The following AXIN1 variants were observed in gnomAD, a reference collection of about 807,000 sequenced individuals.
The protein encoded by AXIN1 is axin 1, also known as axin-1.
A neutral mutation model predicts 76.4 loss-of-function variants in AXIN1; 30 were observed. The ratio of observed to expected loss-of-function variants is 0.39; its 90% CI spans 0.29 to 0.53. AXIN1 has a LOEUF of 0.53. Among genes scored for constraint, AXIN1 ranks in the 20% least tolerant of loss-of-function variants. The probability of loss-of-function intolerance (pLI) is 0.66; values close to 1 mark genes in which losing one functional copy is unlikely to be tolerated. For synonymous variants in AXIN1, 545 were observed against 501.4 expected (o/e 1.09, Z -1.16); for missense variants, 1,140 against 1,198.8 (o/e 0.95, Z 0.72).
At chr16:322,008 G>A (rs1341297658) in intron 2 of AXIN1, among the ~76,000 whole-genome samples, 1 of 152,256 alleles carries the variant, frequency 6.6e-6, no homozygotes. Context: ...GTGAGCCCTG[G>A]ATGATAAGCC....
At chr16:307,831 G>A (rs2053067815) in intron 4 of AXIN1, among the ~76,000 whole-genome samples, 1 of 152,206 alleles carries the variant, frequency 6.6e-6, no homozygotes, top group Admixed American at 6.5e-5. Flanking sequence ...TAGCTTATCG[G>A]CTTCCTGGGC....
rs973684382 is a variant in AXIN1 at position 308,143 on chromosome 16, T to C, written c.1116+1830A>G. 1.2e-4 allele frequency among the ~76,000 whole-genome samples: 19 copies of C among 152,362 alleles called. No homozygotes were observed. The East Asian group carries it at 3.3e-3, about 26-fold the overall frequency. On this transcript the variant is annotated intron_variant, in intron 4 of 10. Coordinates refer to ENST00000262320, the MANE Select transcript of AXIN1 (RefSeq NM_003502.4). ...TGCGGAACGCAGCAGGGCCTGCTCC[T>C]GTCTGTGCCTGCCGCCTCTGTTGGC...
chr16:293,425 C>T lies in AXIN1; in HGVS notation c.2186+63G>A. 1 of 1,532,980 alleles carries T rather than the reference C, an allele frequency of 6.5e-7. No homozygotes were observed. The highest frequency in any genetic ancestry group is 8.9e-7 in the Non-Finnish European group (1 of 1,121,950). 95.0% of individuals were successfully genotyped at this position (1,532,980 alleles called of 1,614,324 possible). On this transcript the variant is annotated intron_variant, in intron 8 of 10. Coordinates refer to ENST00000262320, the MANE Select transcript of AXIN1 (RefSeq NM_003502.4). The surrounding 1 kb of genome is among the most constrained non-coding windows in gnomAD (Gnocchi z 4.6). ...GAAGACCTCAGGCCTCGGGGAGCTT[C>T]AGCCCCAGGAGTGGTGCTGTGGTAA...
chr16:296,990 A>C, intron 7 of AXIN1, 66 bp downstream of exon 7: 2 of 1,549,654 alleles, frequency 1.3e-6, no homozygotes, highest in Non-Finnish European at 1.8e-6. Context: ...GCACACACTG[A>C]GACTGTGCGG....
chr16:309,732 G>A (rs2053124855), intron 4 of AXIN1, among the ~76,000 whole-genome samples: 1 of 152,176 alleles, frequency 6.6e-6, no homozygotes, highest in South Asian at 2.1e-4. Context: ...GTGGCCTTGG[G>A]GCATGGGGGC....
chr16:321,901 G>C (rs1283712017), intron 2 of AXIN1, among the ~76,000 whole-genome samples: 1 of 152,232 alleles, frequency 6.6e-6, no homozygotes, highest in Non-Finnish European at 1.5e-5. Flanking sequence ...TGGTTGTAAA[G>C]TTGAAAAGGC....
At chr16:342,627 C>A (rs987762310) in intron 2 of AXIN1, among the ~76,000 whole-genome samples, 3 of 152,240 alleles carry the variant, frequency 2.0e-5, no homozygotes, top group African/African-American at 7.2e-5. Context: ...TGCTGCACAG[C>A]CCCCAGCGCA....
chr16:335,029 G>T (rs1423522783), intron 2 of AXIN1, among the ~76,000 whole-genome samples: 1 of 152,154 alleles, frequency 6.6e-6, no homozygotes, highest in African/African-American at 2.4e-5. Flanking sequence ...CAACTCATGA[G>T]AATCTACAAA....
intron 2 of AXIN1, among the ~76,000 whole-genome samples, chr16:331,898 C>T (rs768157523): frequency 2.4e-4 from 37 of 152,158 alleles, no homozygotes; most frequent in African/African-American, 6.5e-4. Context: ...CCCCCAGCCT[C>T]GCTGAGCCCC....
At chr16:320,825 C>CGCCTCCTGGGTACAACCTCT (rs1393199361) in intron 2 of AXIN1, among the ~76,000 whole-genome samples, 20 of 149,814 alleles carry the variant, frequency 1.3e-4, no homozygotes, top group African/African-American at 4.2e-4. Context: ...CTACAACCTC[C>CGCCTCCTGGGTACAACCTCT]GCCTCCTGGG....
intron 5 of AXIN1, among the ~76,000 whole-genome samples, chr16:298,617 C>T (rs1360630280): frequency 6.6e-6 from 1 of 152,224 alleles, no homozygotes; most frequent in Non-Finnish European, 1.5e-5. Flanking sequence ...AAGCGATCCT[C>T]CCACCTCAGC....
chr16:311,688 G>A lies in AXIN1; in HGVS notation c.1020-1619C>T, dbSNP rs575231956. ...CGGGAGGCTGAGGCAGGAGAATGGCGTGAACCCGGGAGGCGGAGGTTGCAG... is the reference window on the plus strand; with the variant it reads ...CGGGAGGCTGAGGCAGGAGAATGGCATGAACCCGGGAGGCGGAGGTTGCAG... On this transcript the variant is annotated intron_variant, in intron 3 of 10. Transcript: ENST00000262320. Among the ~76,000 whole-genome samples, 10 of 152,192 alleles carry A rather than the reference G, an allele frequency of 6.6e-5. No individual in the cohort carries two copies. In the East Asian group the frequency reaches 9.7e-4, roughly 15 times the overall value.
intron 2 of AXIN1, among the ~76,000 whole-genome samples, chr16:328,285 C>T (rs2053622016): frequency 1.3e-5 from 2 of 151,856 alleles, no homozygotes; most frequent in African/African-American, 4.8e-5. Flanking sequence ...CCCAGCTACT[C>T]AGGAGGCTGA....
chr16:319,417 G>A (rs982205907), intron 2 of AXIN1, among the ~76,000 whole-genome samples: 1 of 152,182 alleles, frequency 6.6e-6, no homozygotes, highest in Non-Finnish European at 1.5e-5. Flanking sequence ...CCAGTGGAGC[G>A]GTGAGGAGGC....
Position 346,689 on chromosome 16 carries a change from C to T in AXIN1, c.337G>A (p.Asp113Asn), listed in dbSNP as rs2054040768. The T allele has an allele frequency of 2.6e-6, 4 of 1,567,496 alleles. No homozygotes were observed. Among genetic ancestry groups the T allele is most frequent in the African/African-American group, 1.4e-5 (1 of 73,460 alleles). ...RTFLKQEGCADLLDFWFACTG... is the reference protein window; with the variant it reads ...RTFLKQEGCANLLDFWFACTG... ...CAGGCAAACCAGAAGTCCAGCAAGT[C>T]GGCACAGCCCTCCTGCTTCAGGAAA... The change falls in exon 2 of 11, where the codon GAC becomes AAC. Residue 113 changes from aspartate to asparagine, a missense_variant. Physicochemically the swap from Asp to Asn is conservative, Grantham distance 23 (BLOSUM62 1). This residue lies in a region of AXIN1 where 708 missense variants were observed against 776.9 expected (regional missense o/e 0.91). Transcript: ENST00000262320.
rs570560794 is a variant in AXIN1, at chr16:313,817, A to C, written c.1019+726T>G. ...TGCGAAGCACAGGGGAAGAGGTCAT[A>C]AAACAAGCACGTTCCTACACATGGG... On this transcript the variant is annotated intron_variant, in intron 3 of 10. Coordinates refer to ENST00000262320, the MANE Select transcript of AXIN1 (RefSeq NM_003502.4). Among the ~76,000 whole-genome samples the C allele has an allele frequency of 3.3e-5, 5 of 152,372 alleles. No individual in the cohort carries two copies. The South Asian group carries it at 1.0e-3, about 32-fold the overall frequency.
At chr16:344,613 C>T (rs12924712) in intron 2 of AXIN1, among the ~76,000 whole-genome samples, 3 of 151,616 alleles carry the variant, frequency 2.0e-5, no homozygotes, top group Non-Finnish European at 2.9e-5. Flanking sequence ...TTCAGCCTCC[C>T]GAGGAGCTGG....
Position 297,137 on chromosome 16 carries a change from T to A in AXIN1, c.1874A>T (p.Asp625Val), listed in dbSNP as rs1275436087. 4.3e-6 allele frequency: 7 copies of A among 1,612,696 alleles called. No individual in the cohort carries two copies. In the South Asian group the frequency reaches 6.6e-5, roughly 15 times the overall value. ...ASTEVPGASE[D>V]AEKNQKIMQW... ...CATGATTTTCTGGTTCTTCTCCGCA[T>A]CCTCCGAGGCACCTGGCACCTCGGT... is the stretch of plus-strand genomic sequence containing the variant. The change falls in exon 7 of 11, where the codon GAT becomes GTT. Residue 625 changes from aspartate to valine, a missense_variant. Physicochemically the swap from Asp to Val is radical, Grantham distance 152. This residue lies in a region of AXIN1 where 429 missense variants were observed against 405.8 expected (regional missense o/e 1.06). Transcript: ENST00000262320.
chr16:315,898 C>A (rs2053291400), intron 2 of AXIN1, among the ~76,000 whole-genome samples: 1 of 143,054 alleles, frequency 7.0e-6, no homozygotes, highest in African/African-American at 2.6e-5. Flanking sequence ...AGTAAAAATA[C>A]AAAAATTAGC....
Sources: allele counts gnomAD v4.1 joint callset (sites outside exome capture counted in the v4.1 genomes callset), GRCh38; gene constraint gnomAD v4.1.1; regional missense constraint gnomAD v4.1.1; non-coding constraint Gnocchi (gnomAD v3.1); transcripts MANE v1.5; gene names NCBI Gene and HGNC (gene_info 2026-07-23, HGNC 2026-07-21).